Variants in ABTB2 observed in about 807,000 individuals in gnomAD.
The protein encoded by ABTB2 is ankyrin repeat and BTB domain containing 2, also known as ankyrin repeat and BTB/POZ domain-containing protein 2.
A neutral mutation model predicts 104.1 loss-of-function variants in ABTB2; 56 were observed. That is an observed-to-expected ratio of 0.54 (90% CI 0.43 to 0.67). The LOEUF (loss-of-function observed/expected upper bound fraction) is 0.67. Ranked by LOEUF, ABTB2 falls within the 30% of genes least tolerant of loss-of-function variation. ABTB2 has a pLI of 0.00. For synonymous variants in ABTB2, 606 were observed against 608.2 expected (o/e 1.00, Z 0.05); for missense variants, 1,279 against 1,407.7 (o/e 0.91, Z 1.46).
In ABTB2 at chr11:34,233,747, A is replaced by G. The variant is rs1267975746; in HGVS notation, c.884-29057T>C. ...TTTCTTTTAATACTACCTCCCAGAGATAACTATTATTAATATATTATAATT... is the reference window on the plus strand; with the variant it reads ...TTTCTTTTAATACTACCTCCCAGAGGTAACTATTATTAATATATTATAATT... On this transcript the variant is annotated intron_variant, in intron 1 of 16. Transcript: ENST00000435224. Among the ~76,000 whole-genome samples, 3 of 152,098 alleles carry G rather than the reference A, an allele frequency of 2.0e-5. No individual in the cohort carries two copies. In the East Asian group the frequency reaches 5.8e-4, roughly 29 times the overall value.
chr11:34,345,607 A>G (rs1855321607), intron 1 of ABTB2, among the ~76,000 whole-genome samples: 1 of 151,598 alleles, frequency 6.6e-6, no homozygotes, highest in Non-Finnish European at 1.5e-5. Flanking sequence ...CTTTACAAGC[A>G]CCCACTGGAC....
At chr11:34,255,539 C>T (rs1854111239) in intron 1 of ABTB2, among the ~76,000 whole-genome samples, 1 of 151,752 alleles carries the variant, frequency 6.6e-6, no homozygotes, top group African/African-American at 2.4e-5. Flanking sequence ...GTTGCGCAGG[C>T]TGGAGTGTAG....
intron 1 of ABTB2, among the ~76,000 whole-genome samples, chr11:34,322,534 C>T (rs1397122596): frequency 6.6e-6 from 1 of 151,972 alleles, no homozygotes; most frequent in Non-Finnish European, 1.5e-5. Flanking sequence ...GAGATTGCAC[C>T]ACTGCACTCC....
chr11:34,203,765 C>T (rs1386498013), intron 2 of ABTB2, among the ~76,000 whole-genome samples: 2 of 152,206 alleles, frequency 1.3e-5, no homozygotes, highest in African/African-American at 4.8e-5. Context: ...GGTCAGAAGA[C>T]TTGAGGGAAT....
intron 1 of ABTB2, among the ~76,000 whole-genome samples, chr11:34,308,886 A>AAAAAG (rs1854814283): frequency 6.6e-6 from 1 of 150,528 alleles, no homozygotes; most frequent in African/African-American, 2.4e-5. Context: ...AAAAAAAAAA[A>AAAAAG]AGAAAAGAGA....
chr11:34,186,264 C>T (rs897477840), intron 3 of ABTB2, among the ~76,000 whole-genome samples: 5 of 152,200 alleles, frequency 3.3e-5, no homozygotes, highest in South Asian at 2.1e-4. Context: ...GCAGTCAAAG[C>T]GGGGAGGGGC....
At chr11:34,207,448 A>G (rs931739222) in intron 1 of ABTB2, among the ~76,000 whole-genome samples, 3 of 152,230 alleles carry the variant, frequency 2.0e-5, no homozygotes, top group Non-Finnish European at 2.9e-5. Flanking sequence ...ACCTATTATT[A>G]ATAATAGTAA....
chr11:34,221,928 C>T (rs181420750), intron 1 of ABTB2, among the ~76,000 whole-genome samples: 27 of 152,228 alleles, frequency 1.8e-4, no homozygotes, highest in Non-Finnish European at 2.9e-4. Flanking sequence ...AATCCCAATC[C>T]TATCTACTTG....
At chr11:34,178,085 A>G (rs1289586304) in intron 3 of ABTB2, among the ~76,000 whole-genome samples, 4 of 152,198 alleles carry the variant, frequency 2.6e-5, no homozygotes, top group Non-Finnish European at 5.9e-5. Context: ...AATACCCAGA[A>G]TGCTGCTTCC....
At chr11:34,207,309 A>G (rs919897796) in intron 1 of ABTB2, among the ~76,000 whole-genome samples, 12 of 152,246 alleles carry the variant, frequency 7.9e-5, no homozygotes, top group Non-Finnish European at 1.3e-4. Flanking sequence ...AAGGATTCCC[A>G]GAGAGAAATA....
chr11:34,164,026 G>T (rs1442774388), intron 9 of ABTB2, among the ~76,000 whole-genome samples: 13 of 152,104 alleles, frequency 8.5e-5, no homozygotes, highest in Non-Finnish European at 1.8e-4. Flanking sequence ...TAGGGGAGGG[G>T]ACCCCAGCCA....
chr11:34,305,393 T>G (rs1429786653), intron 1 of ABTB2, among the ~76,000 whole-genome samples: 5 of 152,222 alleles, frequency 3.3e-5, no homozygotes, highest in African/African-American at 1.2e-4. Context: ...ATCTTGCAGT[T>G]TGAAACATTC....
intron 1 of ABTB2, among the ~76,000 whole-genome samples, chr11:34,320,137 G>A (rs547124876): frequency 1.1e-3 from 173 of 152,256 alleles, no homozygotes; most frequent in Non-Finnish European, 8.4e-4. Context: ...ATTAGCACAC[G>A]TTACTTAATT....
At chr11:34,182,379 G>T (rs931025225) in intron 3 of ABTB2, among the ~76,000 whole-genome samples, 1 of 151,656 alleles carries the variant, frequency 6.6e-6, no homozygotes, top group African/African-American at 2.4e-5. Context: ...TTCCCTCTTC[G>T]GACCCCCAGC....
rs1347534994 is a variant in ABTB2 at position 34,162,727 on chromosome 11, C to T, written c.2067G>A (p.Glu689=). The change falls in exon 10 of 17, where the codon GAG becomes GAA. Residue 689 remains glutamate, a synonymous_variant. Coordinates refer to ENST00000435224, the MANE Select transcript of ABTB2 (RefSeq NM_145804.3). ...DVLSLEEILA[E]GVEESDASSQ... ...TCGACGCATCACTTTCCTCCACACC[C>T]TCGGCCAGGATCTCCTCCAGGGACA... 1.2e-6 allele frequency: 2 copies of T among 1,611,872 alleles called. No individual in the cohort carries two copies. The highest frequency in any genetic ancestry group is 1.7e-5 in the Admixed American group (1 of 60,026).
intron 1 of ABTB2, among the ~76,000 whole-genome samples, chr11:34,268,509 T>C (rs1477674847): frequency 1.3e-5 from 2 of 152,182 alleles, no homozygotes; most frequent in African/African-American, 2.4e-5. Context: ...CAGGCAGTCA[T>C]TGGAACTTGC....
intron 3 of ABTB2, among the ~76,000 whole-genome samples, chr11:34,175,010 C>T (rs1419020018): frequency 6.6e-6 from 1 of 152,262 alleles, no homozygotes; most frequent in Non-Finnish European, 1.5e-5. Flanking sequence ...GAGCGTCCCG[C>T]CTGTGCGGTC....
intron 1 of ABTB2, among the ~76,000 whole-genome samples, chr11:34,294,072 A>C (rs189110631): frequency 7.2e-5 from 11 of 152,374 alleles, no homozygotes; most frequent in Admixed American, 6.5e-5. Flanking sequence ...GGTAGGGTAC[A>C]GTGGCTCAAG....
At chr11:34,215,461 C>T (rs895514150) in intron 1 of ABTB2, among the ~76,000 whole-genome samples, 44 of 152,220 alleles carry the variant, frequency 2.9e-4, no homozygotes, top group African/African-American at 1.1e-3. Flanking sequence ...AGAGAATATT[C>T]ATCAGAGATT....
Sources: allele counts gnomAD v4.1 joint callset (sites outside exome capture counted in the v4.1 genomes callset), GRCh38; gene constraint gnomAD v4.1.1; transcripts MANE v1.5; gene names NCBI Gene and HGNC (gene_info 2026-07-23, HGNC 2026-07-21).